SEMA3A: variants seen among roughly 807,000 people sequenced by gnomAD.
The protein encoded by SEMA3A is semaphorin-3A.
Under a neutral mutation model 97.9 loss-of-function variants are expected in SEMA3A, and 29 were observed. The ratio of observed to expected loss-of-function variants is 0.30; its 90% CI spans 0.22 to 0.40. SEMA3A has a LOEUF of 0.40. Among genes scored for constraint, SEMA3A ranks in the 10% least tolerant of loss-of-function variants. The probability of loss-of-function intolerance (pLI) is 1.00; values close to 1 mark genes in which losing one functional copy is unlikely to be tolerated. For synonymous variants in SEMA3A, 321 were observed against 323.7 expected, an observed-to-expected ratio of 0.99 and a Z score of 0.09; for missense variants, 763 against 951.3, an observed-to-expected ratio of 0.80 and a Z score of 2.60.
chr7:84,429,152 A>C (rs1419783828), intron 1 of SEMA3A, among the ~76,000 whole-genome samples: 2 of 152,032 alleles, frequency 1.3e-5, no homozygotes, highest in Non-Finnish European at 2.9e-5. Context: ...AGCATAATTT[A>C]GTTACTAATT....
chr7:84,464,349 G>A (rs1427678437), intron 1 of SEMA3A, among the ~76,000 whole-genome samples: 3 of 152,166 alleles, frequency 2.0e-5, no homozygotes, highest in South Asian at 2.1e-4. Flanking sequence ...ATGAAGTGAC[G>A]ATGTAAGAGA....
At chr7:84,265,731 A>T in intron 3 of SEMA3A, among the ~76,000 whole-genome samples, 1 of 151,996 alleles carries the variant, frequency 6.6e-6, no homozygotes, top group East Asian at 1.9e-4. Context: ...CCAGCCTAGT[A>T]GACTAATCTA....
upstream of SEMA3A, among the ~76,000 whole-genome samples, chr7:84,197,097 A>G (rs2116286680): frequency 6.6e-6 from 1 of 152,288 alleles, no homozygotes; most frequent in Non-Finnish European, 1.5e-5. Flanking sequence ...TTTGAACCAC[A>G]AAATCAGGAC....
intron 1 of SEMA3A, among the ~76,000 whole-genome samples, chr7:84,151,120 T>TA (rs1363958036): frequency 2.0e-5 from 3 of 149,464 alleles, no homozygotes; most frequent in African/African-American, 7.3e-5. Context: ...CAAAAGTAGA[T>TA]AAAACCACAA....
chr7:84,126,356 C>T (rs1173580693), intron 3 of SEMA3A, among the ~76,000 whole-genome samples: 1 of 152,074 alleles, frequency 6.6e-6, no homozygotes, highest in African/African-American at 2.4e-5. Flanking sequence ...CGGGCATGTG[C>T]CACCACGCCT....
chr7:84,257,250 C>A (rs1204725313), intron 3 of SEMA3A, among the ~76,000 whole-genome samples: 2 of 151,600 alleles, frequency 1.3e-5, no homozygotes, highest in Non-Finnish European at 2.9e-5. Context: ...TCATCAAAAA[C>A]AGGCTGGGCA....
intron 1 of SEMA3A, among the ~76,000 whole-genome samples, chr7:84,164,922 C>T (rs1023817370): frequency 3.3e-5 from 5 of 152,046 alleles, no homozygotes; most frequent in Admixed American, 6.6e-5. Flanking sequence ...TATGCTCTAG[C>T]GCTACCTTAG....
chr7:84,048,112 G>A (rs1032770593), intron 5 of SEMA3A, among the ~76,000 whole-genome samples: 20 of 152,000 alleles, frequency 1.3e-4, no homozygotes, highest in Non-Finnish European at 2.9e-5. Context: ...TAAAAAAGAT[G>A]CTTAGATAAT....
chr7:84,330,724 G>A (rs1419722390), intron 2 of SEMA3A, among the ~76,000 whole-genome samples: 1 of 151,882 alleles, frequency 6.6e-6, no homozygotes, highest in East Asian at 1.9e-4. Context: ...ACATGACTAG[G>A]TATTTTAGAA....
intron 3 of SEMA3A, among the ~76,000 whole-genome samples, chr7:84,259,142 T>G (rs552143388): frequency 1.8e-4 from 28 of 152,200 alleles, no homozygotes; most frequent in Non-Finnish European, 3.7e-4. Context: ...ATTTGAGCAT[T>G]AAAAAATCCA....
chr7:84,181,021 T>A (rs2116235998), intron 1 of SEMA3A, among the ~76,000 whole-genome samples: 1 of 152,240 alleles, frequency 6.6e-6, no homozygotes. Flanking sequence ...ACAATACACT[T>A]GATTTCAGTC....
At chr7:84,362,702 C>T (rs1401176779) in intron 2 of SEMA3A, among the ~76,000 whole-genome samples, 1 of 151,902 alleles carries the variant, frequency 6.6e-6, no homozygotes, top group Non-Finnish European at 1.5e-5. Context: ...TTACATGGAA[C>T]TCCAGGATTT....
intron 1 of SEMA3A, among the ~76,000 whole-genome samples, chr7:84,135,425 A>G (rs1483303710): frequency 1.3e-5 from 2 of 151,980 alleles, no homozygotes; most frequent in South Asian, 2.1e-4. Flanking sequence ...TTTTATTAAA[A>G]TGAGAGTTAT....
At chr7:84,246,564 A>G (rs1239164199) in intron 3 of SEMA3A, among the ~76,000 whole-genome samples, 2 of 152,204 alleles carry the variant, frequency 1.3e-5, no homozygotes, top group Non-Finnish European at 2.9e-5. Flanking sequence ...GATAAAATAT[A>G]CATGTATATT....
rs976647821 is a variant in SEMA3A at position 84,372,761 on chromosome 7, G to C, written c.-245-861C>G. ...AAATATAGGTTAGTTTTTAAGTTTA[G>C]AACCAGAATATCTTTTCAAGTAAAA... On this transcript the variant is annotated intron_variant, in intron 1 of 3. Transcript: ENST00000424555. Among the ~76,000 whole-genome samples the C allele has an allele frequency of 2.0e-5, 3 of 152,074 alleles. No individual in the cohort carries two copies. The East Asian group carries it at 5.8e-4, about 29-fold the overall frequency.
At chr7:84,431,668 A>G (rs1352928400) in intron 1 of SEMA3A, among the ~76,000 whole-genome samples, 1 of 152,018 alleles carries the variant, frequency 6.6e-6, no homozygotes, top group Admixed American at 6.6e-5. Flanking sequence ...ATTTAAAAAA[A>G]TAATTTGATC....
intron 4 of SEMA3A, among the ~76,000 whole-genome samples, chr7:84,097,966 C>A (rs552797682): frequency 6.6e-6 from 1 of 151,960 alleles, no homozygotes; most frequent in African/African-American, 2.4e-5. Context: ...GAGTAAAATG[C>A]AGCCTTTGGA....
At chr7:84,375,990 G>T (rs966519223) in intron 1 of SEMA3A, among the ~76,000 whole-genome samples, 4 of 152,100 alleles carry the variant, frequency 2.6e-5, no homozygotes, top group African/African-American at 9.7e-5. Flanking sequence ...AGGACCTCCA[G>T]TTCCATCCAT....
intron 6 of SEMA3A, among the ~76,000 whole-genome samples, chr7:84,026,658 A>T (rs932830498): frequency 3.9e-5 from 6 of 152,170 alleles, no homozygotes; most frequent in African/African-American, 1.4e-4. Flanking sequence ...ACCATGGAAT[A>T]CTATGCAGCC....
Sources: gnomAD v4.1 joint callset for allele counts (sites outside exome capture counted in the v4.1 genomes callset) on GRCh38, gnomAD v4.1.1 for gene constraint, MANE v1.5 for transcripts, NCBI Gene and HGNC (gene_info 2026-07-23, HGNC 2026-07-21) for gene names.